Variants in MCTP2 observed in about 807,000 individuals in gnomAD.
MCTP2 encodes the protein multiple C2 and transmembrane domain-containing protein 2.
In MCTP2, 132 loss-of-function variants were observed where a neutral mutation model predicts 111.6. That is an observed-to-expected ratio of 1.18 (90% confidence interval 1.03 to 1.37). The LOEUF is 1.37. Among genes scored for constraint, MCTP2 ranks in the 40% most tolerant of loss-of-function variants. The pLI, the probability that MCTP2 is intolerant of heterozygous loss-of-function variation, is 0.00. For missense variants in MCTP2, 1,183 were observed against 1,067.9 expected (o/e 1.11, Z -1.50); for synonymous variants, 395 against 387.7 (o/e 1.02, Z -0.22).
chr15:94,238,644 C>T (rs1486318866), intron 1 of MCTP2, among the ~76,000 whole-genome samples: 1 of 152,006 alleles, frequency 6.6e-6, no homozygotes, highest in Non-Finnish European at 1.5e-5. Context: ...AGAGGGGAAA[C>T]CAGACAGTTT....
At chr15:94,378,815 A>G (rs1482406694) in intron 12 of MCTP2, among the ~76,000 whole-genome samples, 2 of 152,110 alleles carry the variant, frequency 1.3e-5, no homozygotes, top group African/African-American at 2.4e-5. Context: ...CGTACATGAA[A>G]AGTTAGGCCT....
At chr15:94,245,554 A>T (rs544862323) in intron 1 of MCTP2, among the ~76,000 whole-genome samples, 1 of 143,370 alleles carries the variant, frequency 7.0e-6, no homozygotes, top group South Asian at 2.1e-4. Flanking sequence ...ATATTTATAT[A>T]TGTATACATA....
At chr15:94,348,498 C>T (rs545100166) in intron 8 of MCTP2, among the ~76,000 whole-genome samples, 2 of 113,082 alleles carry the variant, frequency 1.8e-5, no homozygotes, top group East Asian at 2.6e-4. Flanking sequence ...GTCTTCCTCT[C>T]TCTCTCAAAT....
intron 17 of MCTP2, among the ~76,000 whole-genome samples, chr15:94,420,761 G>A (rs996353964): frequency 6.6e-6 from 1 of 152,178 alleles, no homozygotes; most frequent in African/African-American, 2.4e-5. Flanking sequence ...TGGTGAAGAT[G>A]CTATGAACAT....
At chr15:94,286,874 T>C (rs1406011284) in intron 1 of MCTP2, among the ~76,000 whole-genome samples, 1 of 152,164 alleles carries the variant, frequency 6.6e-6, no homozygotes, top group Non-Finnish European at 1.5e-5. Flanking sequence ...TGCATATTTT[T>C]GTTCAATAAA....
chr15:94,446,402 A>G (rs902373827), intron 19 of MCTP2, among the ~76,000 whole-genome samples: 2 of 152,182 alleles, frequency 1.3e-5, no homozygotes, highest in Non-Finnish European at 2.9e-5. Context: ...ATTAGATTCC[A>G]TATGTGGAAT....
chr15:94,314,022 T>A (rs1419618711), intron 2 of MCTP2, among the ~76,000 whole-genome samples: 1 of 152,176 alleles, frequency 6.6e-6, no homozygotes, highest in East Asian at 1.9e-4. Context: ...ATGCTAAACA[T>A]GTGGGTGAAC....
intron 14 of MCTP2, among the ~76,000 whole-genome samples, chr15:94,389,913 T>C (rs2080773926): frequency 6.6e-6 from 1 of 151,788 alleles, no homozygotes; most frequent in Non-Finnish European, 1.5e-5. Flanking sequence ...GGTAATGTGC[T>C]AAGTGCATTT....
intron 2 of MCTP2, among the ~76,000 whole-genome samples, chr15:94,301,563 T>A (rs916953777): frequency 6.6e-6 from 1 of 152,254 alleles, no homozygotes; most frequent in Non-Finnish European, 1.5e-5. Flanking sequence ...AGCGTCTAGC[T>A]TCATGCCTTG....
intron 17 of MCTP2, among the ~76,000 whole-genome samples, chr15:94,438,339 C>A (rs1231972118): frequency 2.0e-5 from 3 of 151,842 alleles, no homozygotes; most frequent in African/African-American, 7.3e-5. Flanking sequence ...ACCTAAGGTG[C>A]CCTGAGGTGG....
At chr15:94,253,837 G>T (rs1364573317) in intron 1 of MCTP2, among the ~76,000 whole-genome samples, 5 of 151,626 alleles carry the variant, frequency 3.3e-5, no homozygotes, top group African/African-American at 1.2e-4. Context: ...TCCAGAGACT[G>T]AAACAGTTTT....
chr15:94,478,602 A>C (rs1193163068), intron 22 of MCTP2, among the ~76,000 whole-genome samples: 1 of 152,200 alleles, frequency 6.6e-6, no homozygotes, highest in Admixed American at 6.5e-5. Flanking sequence ...TAAACGAATA[A>C]TCCTCAGTAA....
chr15:94,252,078 A>T (rs915292852), intron 1 of MCTP2, among the ~76,000 whole-genome samples: 6 of 152,232 alleles, frequency 3.9e-5, no homozygotes, highest in African/African-American at 1.4e-4. Context: ...GCTGCTAGGA[A>T]CATCGGTGTA....
At chr15:94,449,303 C>A (rs1468747384) in intron 19 of MCTP2, among the ~76,000 whole-genome samples, 4 of 152,112 alleles carry the variant, frequency 2.6e-5, no homozygotes, top group Admixed American at 2.6e-4. Flanking sequence ...GTACTCAAAA[C>A]AAAATATTAA....
intron 4 of MCTP2, among the ~76,000 whole-genome samples, chr15:94,318,628 C>G (rs2076491270): frequency 6.6e-6 from 1 of 152,162 alleles, no homozygotes; most frequent in African/African-American, 2.4e-5. Context: ...TGTTGGCCAA[C>G]TACTCCTTTT....
intron 4 of MCTP2, among the ~76,000 whole-genome samples, chr15:94,329,887 C>T (rs912444206): frequency 6.6e-6 from 1 of 152,160 alleles, no homozygotes; most frequent in Non-Finnish European, 1.5e-5. Flanking sequence ...GAGTCCTCAT[C>T]GTATGGTAGG....
intron 1 of MCTP2, among the ~76,000 whole-genome samples, chr15:94,251,363 G>T (rs1596182696): frequency 1.4e-5 from 2 of 146,262 alleles, no homozygotes; most frequent in Non-Finnish European, 1.5e-5. Flanking sequence ...TACGCATTTT[G>T]TTTTTTTTTT....
chr15:94,244,242 GTATACACATATGTGTATATATTTA>G (rs1381790472), intron 1 of MCTP2, among the ~76,000 whole-genome samples: 1 of 102,086 alleles, frequency 9.8e-6, no homozygotes, highest in Non-Finnish European at 2.1e-5. Flanking sequence ...ATATACACGT[GTATACACATATGTGTATATATTTA>G]TATACACACA....
intron 17 of MCTP2, among the ~76,000 whole-genome samples, chr15:94,425,316 C>G (rs536278367): frequency 6.6e-6 from 1 of 152,214 alleles, no homozygotes; most frequent in East Asian, 1.9e-4. Flanking sequence ...GTACCAGTAT[C>G]ACACAAATAT....
Sources: gnomAD v4.1 joint callset for allele counts (sites outside exome capture counted in the v4.1 genomes callset) on GRCh38, gnomAD v4.1.1 for gene constraint, MANE v1.5 for transcripts, NCBI Gene and HGNC (gene_info 2026-07-23, HGNC 2026-07-21) for gene names.